The following CRISPLD1 variants were observed in gnomAD, a reference collection of about 807,000 sequenced individuals.
The protein encoded by CRISPLD1 is cysteine rich secretory protein LCCL domain containing 1.
A neutral mutation model predicts 77.5 loss-of-function variants in CRISPLD1; 60 were observed. The ratio of observed to expected loss-of-function variants is 0.77; its 90% CI spans 0.63 to 0.96. The LOEUF is 0.96. Among genes scored for constraint, CRISPLD1 ranks in the 40% least tolerant of loss-of-function variants. The probability of loss-of-function intolerance (pLI) is 0.00; values close to 1 mark genes in which losing one functional copy is unlikely to be tolerated. For missense variants in CRISPLD1, 623 were observed against 615.8 expected (o/e 1.01, Z -0.12); for synonymous variants, 195 against 200.1 (o/e 0.97, Z 0.22).
At chr8:75,013,306 A>G (rs535486935) in intron 4 of CRISPLD1, among the ~76,000 whole-genome samples, 4 of 152,216 alleles carry the variant, frequency 2.6e-5, no homozygotes, top group East Asian at 3.9e-4. Context: ...TACCATCTTC[A>G]ATGTCAAAGT....
At chr8:75,019,945 A>C in intron 11 of CRISPLD1, 32 bp downstream of exon 11, 1 of 1,610,234 alleles carries the variant, frequency 6.2e-7, no homozygotes, top group Non-Finnish European at 8.5e-7. Flanking sequence ...TTTTCTTAGT[A>C]CTGTGTAGTA....
At chr8:75,031,477 A>G (rs1050060001) in intron 14 of CRISPLD1, among the ~76,000 whole-genome samples, 5 of 152,048 alleles carry the variant, frequency 3.3e-5, no homozygotes, top group African/African-American at 4.8e-5. Flanking sequence ...TGCTAAATAA[A>G]TATAAACAAT....
intron 2 of CRISPLD1, among the ~76,000 whole-genome samples, 195 bp downstream of exon 2, chr8:74,986,440 C>T (rs974145713): frequency 7.9e-5 from 12 of 152,112 alleles, no homozygotes; most frequent in African/African-American, 2.2e-4. Context: ...CAGAGTAGGA[C>T]GAAATGCCTT....
rs1813218463 is a variant in CRISPLD1, at chr8:75,025,561, T to G, written c.1260T>G (p.Arg420=). 6.4e-7 allele frequency: 1 copy of G among 1,565,520 alleles called. No homozygotes were observed. Among genetic ancestry groups the G allele is most frequent in the African/African-American group, 1.4e-5 (1 of 73,914 alleles). The change falls in exon 13 of 15, where the codon CGT becomes CGG. Residue 420 remains arginine, a synonymous_variant. Coordinates refer to ENST00000262207, the MANE Select transcript of CRISPLD1 (RefSeq NM_031461.6). The part of the protein sequence containing the change: ...ASHCPRVYCP[R]NCMQANPHYA... ...TTTTTTTCAGAGTATACTGTCCTCG[T>G]AACTGTATGCAAGCAAATCCACATT...
rs575056481 is a variant in CRISPLD1 at position 75,017,618 on chromosome 8, T to G, written c.1127+168T>G. 3.0e-4 allele frequency among the ~76,000 whole-genome samples: 46 copies of G among 152,298 alleles called. 1 individual carries two copies. Among genetic ancestry groups the G allele is most frequent in the African/African-American group, 1.1e-3 (46 of 41,576 alleles). ...CTTAGACAAAAAGAAGATAACGCAT[T>G]TAAGGTCAAAGTTGAACTCTTTTGC... On this transcript the variant is annotated intron_variant, in intron 10 of 14. Transcript: ENST00000262207.
chr8:75,001,004 A>G (rs1812730768), intron 2 of CRISPLD1, among the ~76,000 whole-genome samples: 1 of 152,164 alleles, frequency 6.6e-6, no homozygotes, highest in Non-Finnish European at 1.5e-5. Flanking sequence ...AAAATATTTT[A>G]CATAATTACA....
chr8:75,012,754 A>T lies in CRISPLD1; in HGVS notation c.378-136A>T. 3 of 933,668 alleles carry T rather than the reference A, an allele frequency of 3.2e-6. No individual in the cohort carries two copies. The South Asian group carries it at 5.2e-5, about 16-fold the overall frequency. The allele number at this position is 933,668 out of a possible 1,614,324, so 57.8% of individuals were successfully genotyped here. ...AAATCATCAATTTATTAGTAATGTA[A>T]GGGGCATAAAAATTTAAGTTTAATA... On this transcript the variant is annotated intron_variant, in intron 3 of 14. Coordinates refer to ENST00000262207, the MANE Select transcript of CRISPLD1 (RefSeq NM_031461.6).
chr8:75,010,373 C>G (rs772782269), intron 2 of CRISPLD1, among the ~76,000 whole-genome samples: 5 of 152,056 alleles, frequency 3.3e-5, no homozygotes, highest in Non-Finnish European at 5.9e-5. Flanking sequence ...TGATTAGATT[C>G]CCTGTATCCT....
In CRISPLD1 at chr8:75,033,755, A is replaced by T. The variant is rs1257297810; in HGVS notation, c.*1513A>T. Reference sequence around the variant, plus strand: ...AGCTTCTGGAGTGCAAATTATAAAGACATCAACATTTTTGATCATATAATA... The same window carrying T: ...AGCTTCTGGAGTGCAAATTATAAAGTCATCAACATTTTTGATCATATAATA... On this transcript the variant is annotated 3_prime_UTR_variant, in exon 15 of 15. Transcript: ENST00000262207. The T allele has an allele frequency of 6.6e-6, 1 of 152,062 alleles. No individual in the cohort carries two copies. Among genetic ancestry groups the T allele is most frequent in the Non-Finnish European group, 1.5e-5 (1 of 67,928 alleles). 9.4% of individuals were successfully genotyped at this position (152,062 alleles called of 1,614,324 possible). A position where few individuals can be genotyped will look rare whatever the true frequency, so the allele number is the denominator to read the frequency against.
chr8:74,984,614 T>C lies in CRISPLD1; in HGVS notation c.-369T>C. ...CGTTCGTGTCCCCGCCCCTCGCTCC[T>C]GCAGCTACTGCTCAGAAACGCTGGG... On this transcript the variant is annotated 5_prime_UTR_variant, in exon 1 of 15. Coordinates refer to ENST00000262207, the MANE Select transcript of CRISPLD1 (RefSeq NM_031461.6). 1 of 152,934 alleles carries C rather than the reference T, an allele frequency of 6.5e-6. No homozygotes were observed. Among genetic ancestry groups the C allele is most frequent in the Non-Finnish European group, 1.5e-5 (1 of 68,538 alleles). 9.5% of individuals were successfully genotyped at this position (152,934 alleles called of 1,614,324 possible).
At chr8:75,014,128 G>A (rs1812985911) in intron 5 of CRISPLD1, 26 bp downstream of exon 5, 1 of 1,390,906 alleles carries the variant, frequency 7.2e-7, no homozygotes, top group South Asian at 1.2e-5. Flanking sequence ...ACTACGTTCA[G>A]ATGTACATTT....
At chr8:74,993,278 C>T (rs1467658283) in intron 2 of CRISPLD1, among the ~76,000 whole-genome samples, 3 of 152,092 alleles carry the variant, frequency 2.0e-5, no homozygotes, top group Non-Finnish European at 2.9e-5. Flanking sequence ...AGTTTTCTCT[C>T]TGTATACTGT....
intron 2 of CRISPLD1, among the ~76,000 whole-genome samples, chr8:75,006,657 C>T (rs1008402757): frequency 6.6e-6 from 1 of 152,106 alleles, no homozygotes; most frequent in Admixed American, 6.6e-5. Flanking sequence ...TTAAGCTATC[C>T]ATGCTGGTCA....
intron 6 of CRISPLD1, among the ~76,000 whole-genome samples, chr8:75,015,329 C>T (rs193163867): frequency 2.0e-5 from 3 of 151,984 alleles, no homozygotes; most frequent in Admixed American, 2.0e-4. Context: ...CTTATTGAAC[C>T]ATGCTCAATG....
In CRISPLD1 at chr8:75,033,061, T is replaced by G. The variant is rs1813380416; in HGVS notation, c.*819T>G. Reference sequence around the variant, plus strand: ...AGCAAAAAGTTGAACAAAGATGAACTAATGTATTACATTACCATTGCCACT... The same window carrying G: ...AGCAAAAAGTTGAACAAAGATGAACGAATGTATTACATTACCATTGCCACT... On this transcript the variant is annotated 3_prime_UTR_variant, in exon 15 of 15. Transcript: ENST00000262207. 1 of 152,386 alleles carries G rather than the reference T, an allele frequency of 6.6e-6. No individual in the cohort carries two copies. Among genetic ancestry groups the G allele is most frequent in the Admixed American group, 6.6e-5 (1 of 15,252 alleles). The allele number at this position is 152,386 out of a possible 1,614,324, so 9.4% of individuals were successfully genotyped here.
In CRISPLD1 at chr8:75,014,086, T is replaced by A; in HGVS notation, c.610T>A (p.Cys204Ser). ...QIWPKAVYLV[C>S]NYSPKGNWWG... The stretch of plus-strand genomic sequence containing the variant: ...ATGGCCCAAAGCTGTCTACCTGGTG[T>A]GCAATTACTCCCCAAAGTGAGTAGA... The change falls in exon 5 of 15, where the codon TGC becomes AGC. Residue 204 changes from cysteine to serine, a missense_variant. Coordinates refer to ENST00000262207, the MANE Select transcript of CRISPLD1 (RefSeq NM_031461.6). 1 of 1,609,746 alleles carries A rather than the reference T, an allele frequency of 6.2e-7. No individual in the cohort carries two copies. The highest frequency in any genetic ancestry group is 8.5e-7 in the Non-Finnish European group (1 of 1,176,380).
At chr8:75,003,387 G>A (rs559255966) in intron 2 of CRISPLD1, among the ~76,000 whole-genome samples, 1 of 152,006 alleles carries the variant, frequency 6.6e-6, no homozygotes, top group East Asian at 1.9e-4. Flanking sequence ...AAAATTTGGT[G>A]TCCCCACATA....
chr8:75,023,105 C>T (rs1813167938), intron 12 of CRISPLD1, among the ~76,000 whole-genome samples: 1 of 149,458 alleles, frequency 6.7e-6, no homozygotes, highest in South Asian at 2.1e-4. Context: ...GTTTACCGGA[C>T]CAGTACCTAC....
intron 2 of CRISPLD1, among the ~76,000 whole-genome samples, chr8:75,004,005 GTTATT>G (rs947875202): frequency 9.2e-5 from 14 of 152,076 alleles, no homozygotes; most frequent in African/African-American, 3.1e-4. Flanking sequence ...CATTACAAAA[GTTATT>G]TTAATTTTAA....
Sources: gnomAD v4.1 joint callset for allele counts (sites outside exome capture counted in the v4.1 genomes callset) on GRCh38, gnomAD v4.1.1 for gene constraint, MANE v1.5 for transcripts, NCBI Gene and HGNC (gene_info 2026-07-23, HGNC 2026-07-21) for gene names.